The following ADAM17 variants were observed in gnomAD, a reference collection of about 807,000 sequenced individuals.
The protein encoded by ADAM17 is disintegrin and metalloproteinase domain-containing protein 17.
A neutral mutation model predicts 96.7 loss-of-function variants in ADAM17; 39 were observed. The observed-to-expected ratio is 0.40, with a 90% CI of 0.31 to 0.53. ADAM17 has a LOEUF of 0.53. ADAM17 is among the 20% of genes least tolerant of loss of function. ADAM17 has a pLI of 0.44. For synonymous variants in ADAM17, 344 were observed against 359.2 expected, an observed-to-expected ratio of 0.96 and a Z score of 0.48; for missense variants, 777 against 1,013.2, an observed-to-expected ratio of 0.77 and a Z score of 3.17.
In ADAM17 at chr2:9,490,423, A is replaced by G; in HGVS notation, c.2229T>C (p.Pro743=). ...PQTPGRLQPA[P]VIPSAPAAPK... ...GAGCTGCTGGCGCCGAAGGGATCAC[A>G]GGGGCAGGCTGCAGGCGGCCTGGAG... Residue 743 remains proline (P), a synonymous_variant, in exon 19 of 19, where the codon CCT becomes CCC. Coordinates refer to ENST00000310823, the MANE Select transcript of ADAM17 (RefSeq NM_003183.6). The G allele has an allele frequency of 1.2e-6, 2 of 1,614,160 alleles. No homozygotes were observed. Among genetic ancestry groups the G allele is most frequent in the South Asian group, 1.1e-5 (1 of 91,080 alleles).
chr2:9,489,169 G>A lies in ADAM17; in HGVS notation c.*1008C>T, dbSNP rs187433589. The A allele has an allele frequency of 1.3e-5, 2 of 150,262 alleles. No homozygotes were observed. Among genetic ancestry groups the A allele is most frequent in the African/African-American group, 4.9e-5 (2 of 40,490 alleles). The allele number at this position is 150,262 out of a possible 1,614,324, so 9.3% of individuals were successfully genotyped here. On this transcript the variant is annotated 3_prime_UTR_variant, in exon 19 of 19. Transcript: ENST00000310823. The stretch of plus-strand genomic sequence containing the variant: ...ACAACCTGTTTTTTTTGTTGTTGTT[G>A]TTGTTAAGAAATATCTCACCCTCTT...
intron 3 of ADAM17, among the ~76,000 whole-genome samples, chr2:9,536,477 C>A (rs1664965113): frequency 6.6e-6 from 1 of 152,124 alleles, no homozygotes; most frequent in Non-Finnish European, 1.5e-5. Flanking sequence ...TAATTTTAAT[C>A]ATTAAACCAG....
At chr2:9,491,500 C>T (rs140706093) in intron 17 of ADAM17, among the ~76,000 whole-genome samples, 7 of 152,340 alleles carry the variant, frequency 4.6e-5, no homozygotes, top group African/African-American at 1.7e-4. Flanking sequence ...GCTGGGTACA[C>T]CAGGACCGCA....
At chr2:9,517,844 C>A in intron 10 of ADAM17, 57 bp downstream of exon 10, 1 of 1,170,200 alleles carries the variant, frequency 8.5e-7, no homozygotes, top group South Asian at 2.0e-5. Flanking sequence ...AAATATATAA[C>A]TGAGGTTCTA....
rs771710782 is a variant in ADAM17 at position 9,490,296 on chromosome 2, T to C, written c.2356A>G (p.Ser786Gly). The C allele has an allele frequency of 8.1e-6, 13 of 1,614,218 alleles. No individual in the cohort carries two copies. Among genetic ancestry groups the C allele is most frequent in the African/African-American group, 1.3e-5 (1 of 75,064 alleles). ...TCCTCAAATGACTTGGCAGCTGTGCTGCTATTTGGGAAGGGGTCCTTCTCA... is the reference window on the plus strand; with the variant it reads ...TCCTCAAATGACTTGGCAGCTGTGCCGCTATTTGGGAAGGGGTCCTTCTCA... ...GFEKDPFPNSSTAAKSFEDLT... is the reference protein window; with the variant it reads ...GFEKDPFPNSGTAAKSFEDLT... Residue 786 changes from serine to glycine, a missense_variant, in exon 19 of 19, where the codon AGC becomes GGC. Ser to Gly is a moderately conservative substitution (Grantham distance 56, BLOSUM62 0). Coordinates refer to ENST00000310823, the MANE Select transcript of ADAM17 (RefSeq NM_003183.6).
At chr2:9,516,635 C>A (rs1474193025) in intron 10 of ADAM17, among the ~76,000 whole-genome samples, 6 of 152,002 alleles carry the variant, frequency 3.9e-5, no homozygotes. Flanking sequence ...TGCTTGTAAT[C>A]CCAACTACTC....
chr2:9,503,199 T>C (rs1046884387), intron 12 of ADAM17, among the ~76,000 whole-genome samples: 1 of 147,704 alleles, frequency 6.8e-6, no homozygotes, highest in Admixed American at 6.7e-5. Flanking sequence ...AGGCAATCCA[T>C]AGCTAAGACA....
intron 2 of ADAM17, among the ~76,000 whole-genome samples, chr2:9,542,634 CATT>C (rs140446561): frequency 0.064 from 9,710 of 152,204 alleles, 1,091 homozygotes; most frequent in African/African-American, 0.22. Flanking sequence ...TCGTTACCAT[CATT>C]AACACCTCTG....
Position 9,489,650 on chromosome 2 carries a change from G to A in ADAM17, c.*527C>T, listed in dbSNP as rs1002342725. 6.7e-6 allele frequency: 1 copy of A among 148,176 alleles called. No homozygotes were observed. Among genetic ancestry groups the A allele is most frequent in the Non-Finnish European group, 1.5e-5 (1 of 67,476 alleles). 9.2% of individuals were successfully genotyped at this position (148,176 alleles called of 1,614,324 possible). ...TTTTCCCTGCTACATAAAAACTCTG[G>A]GTAATAACTAGAAATAGACCCACAA... On this transcript the variant is annotated 3_prime_UTR_variant, in exon 19 of 19. Coordinates refer to ENST00000310823, the MANE Select transcript of ADAM17 (RefSeq NM_003183.6).
At chr2:9,524,970 A>G (rs977314537) in intron 6 of ADAM17, among the ~76,000 whole-genome samples, 6 of 152,198 alleles carry the variant, frequency 3.9e-5, no homozygotes, top group African/African-American at 1.4e-4. Context: ...TACAATTTTT[A>G]AGACTAGATC....
intron 14 of ADAM17, 61 bp from the exon 15 acceptor site, chr2:9,494,828 T>G: frequency 1.3e-6 from 2 of 1,588,484 alleles, no homozygotes; most frequent in Admixed American, 1.8e-5. Context: ...TCCTCCTGCC[T>G]CCTCTTTCCT....
Position 9,526,156 on chromosome 2 carries a change from G to A in ADAM17, c.708C>T (p.Tyr236=). 6.2e-7 allele frequency: 1 copy of A among 1,613,704 alleles called. No homozygotes were observed. Among genetic ancestry groups the A allele is most frequent in the Non-Finnish European group, 8.5e-7 (1 of 1,179,776 alleles). Residue 236 remains tyrosine (Y), a synonymous_variant, in exon 6 of 19, where the codon TAC becomes TAT. Transcript: ENST00000310823. ...TCTCTTCCCCTCTGCCCATGTATCT[G>A]TAGAAGCGATGATCTGCTACCACCA... ...KLLVVADHRF[Y]RYMGRGEEST...
At chr2:9,511,641 G>T (rs1006766947) in intron 10 of ADAM17, among the ~76,000 whole-genome samples, 18 of 152,004 alleles carry the variant, frequency 1.2e-4, no homozygotes, top group Admixed American at 6.6e-5. Flanking sequence ...TGCCAATAAA[G>T]CTAAAATTTT....
intron 2 of ADAM17, among the ~76,000 whole-genome samples, chr2:9,538,421 A>G (rs1255174438): frequency 2.6e-5 from 4 of 152,220 alleles, no homozygotes; most frequent in Admixed American, 2.6e-4. Flanking sequence ...TTTAATGGTC[A>G]AAGGGAAAAG....
intron 11 of ADAM17, among the ~76,000 whole-genome samples, chr2:9,508,047 G>A (rs1219123684): frequency 1.3e-5 from 2 of 152,150 alleles, no homozygotes; most frequent in Non-Finnish European, 2.9e-5. Context: ...AAGAGCCCCA[G>A]AACTGGCAGC....
intron 13 of ADAM17, among the ~76,000 whole-genome samples, chr2:9,501,609 AG>A (rs1663010333): frequency 6.6e-6 from 1 of 152,242 alleles, no homozygotes; most frequent in Non-Finnish European, 1.5e-5. Flanking sequence ...AAATACATAT[AG>A]ATACATATAG....
chr2:9,545,821 C>A (rs62119379), intron 1 of ADAM17, among the ~76,000 whole-genome samples: 27,521 of 151,826 alleles, frequency 0.18, 2,632 homozygotes, highest in Middle Eastern at 0.28. Context: ...GGGCTGAGGG[C>A]GGTGGCTCGC....
At chr2:9,544,915 A>G (rs1018303599) in intron 1 of ADAM17, among the ~76,000 whole-genome samples, 1 of 152,196 alleles carries the variant, frequency 6.6e-6, no homozygotes, top group African/African-American at 2.4e-5. Context: ...TGCACATATC[A>G]GCACTCACAT....
Position 9,549,642 on chromosome 2 carries a change from T to A in ADAM17, c.97+5867A>T, listed in dbSNP as rs1462380696. On this transcript the variant is annotated intron_variant, in intron 1 of 18. Coordinates refer to ENST00000310823, the MANE Select transcript of ADAM17 (RefSeq NM_003183.6). ...TCCTGGGCATGAGCAATCCTCCGGGTGGCTGGGACCACAGGCACATGCCAC... is the reference window on the plus strand; with the variant it reads ...TCCTGGGCATGAGCAATCCTCCGGGAGGCTGGGACCACAGGCACATGCCAC... 2.0e-5 allele frequency among the ~76,000 whole-genome samples: 3 copies of A among 152,000 alleles called. No homozygotes were observed. The South Asian group carries it at 6.2e-4, about 32-fold the overall frequency.
Sources: gnomAD v4.1 joint callset for allele counts (sites outside exome capture counted in the v4.1 genomes callset) on GRCh38, gnomAD v4.1.1 for gene constraint, MANE v1.5 for transcripts, NCBI Gene and HGNC (gene_info 2026-07-23, HGNC 2026-07-21) for gene names.